CD33: variants seen among roughly 807,000 people sequenced by gnomAD.
The protein encoded by CD33 is CD33 molecule.
Under a neutral mutation model 31.4 loss-of-function variants are expected in CD33, and 25 were observed. That is an observed-to-expected ratio of 0.80 (90% CI 0.58 to 1.11). The LOEUF (loss-of-function observed/expected upper bound fraction) is 1.11, where lower values mean the gene tolerates loss of function less well. CD33 is among the 50% of genes most tolerant of loss of function. The pLI is 0.00. For synonymous variants in CD33, 176 were observed against 180.6 expected, an observed-to-expected ratio of 0.97 and a Z score of 0.20; for missense variants, 407 against 448.1, an observed-to-expected ratio of 0.91 and a Z score of 0.83.
the CD33 span, chr19:51,212,112 T>A: frequency 1.6e-6 from 1 of 609,136 alleles, no homozygotes; most frequent in Non-Finnish European, 2.9e-6. Flanking sequence ...GAGGGTGTGA[T>A]GGGGGGAGGA....
chr19:51,232,827 C>G (rs908276773), intron 4 of CD33, among the ~76,000 whole-genome samples: 1 of 152,228 alleles, frequency 6.6e-6, no homozygotes, highest in Non-Finnish European at 1.5e-5. Flanking sequence ...AGGTGCCCAA[C>G]TACTTGGCTG....
chr19:51,224,022 G>C (rs962746868), upstream of CD33, among the ~76,000 whole-genome samples: 11 of 152,176 alleles, frequency 7.2e-5, no homozygotes, highest in Non-Finnish European at 1.5e-4. Flanking sequence ...AAGAATTAAA[G>C]AAAGAGGAAA....
intron 5 of CD33, 32 bp downstream of exon 5, chr19:51,235,285 A>G (rs1188332120): frequency 1.3e-6 from 2 of 1,582,898 alleles, no homozygotes; most frequent in Admixed American, 1.7e-5. Flanking sequence ...GGCATGGGCC[A>G]GAGGTGAAGA....
rs1982055114 is a variant in CD33 at position 51,239,880 on chromosome 19, A to G, written c.*192A>G. On this transcript the variant is annotated 3_prime_UTR_variant, in exon 7 of 7. Coordinates refer to ENST00000262262, the MANE Select transcript of CD33 (RefSeq NM_001772.4). ...CGTGGAATCAAATCTGTGCTCTTTC[A>G]TTTGCTAAGTGTATGATGTCACACA... 1 of 454,614 alleles carries G rather than the reference A, an allele frequency of 2.2e-6. No homozygotes were observed. Among genetic ancestry groups the G allele is most frequent in the Non-Finnish European group, 3.9e-6 (1 of 258,668 alleles). 28.2% of individuals were successfully genotyped at this position (454,614 alleles called of 1,614,324 possible).
rs762227500 is a variant in CD33 at position 51,225,604 on chromosome 19, G to A, written c.418+6G>A. 1 of 1,549,590 alleles carries A rather than the reference G, an allele frequency of 6.5e-7. No homozygotes were observed. The highest frequency in any genetic ancestry group is 1.9e-5 in the Admixed American group (1 of 51,874). On this transcript the variant is annotated splice_donor_region_variant and intron_variant, in intron 2 of 6. Transcript: ENST00000262262. ...GCTCTCTGTGCATGTGACAGGTGAG[G>A]CACAGGCTTCAGAAGTGGCCGCAAG...
chr19:51,231,879 C>A (rs956182750), intron 4 of CD33, among the ~76,000 whole-genome samples: 5 of 152,162 alleles, frequency 3.3e-5, no homozygotes, highest in Non-Finnish European at 7.4e-5. Flanking sequence ...CTGCCTTAAC[C>A]TCCCAAGTAG....
At position 51,239,538 on chromosome 19, in the gene CD33, G is replaced by C. The variant is rs1390620333; in HGVS notation, c.945G>C (p.Lys315Asn). The change falls in exon 7 of 7, where the codon AAG becomes AAC. Residue 315 changes from lysine (K) to asparagine (N), a missense_variant. Transcript: ENST00000262262. Reference sequence around the variant, plus strand: ...ATAAGAAACACCAGAAGAAGTCCAAGTTACATGGCCCCACTGAAACCTCAA... The same window carrying C: ...ATAAGAAACACCAGAAGAAGTCCAACTTACATGGCCCCACTGAAACCTCAA... ...SASPKHQKKS[K>N]LHGPTETSSC... 1 of 1,609,890 alleles carries C rather than the reference G, an allele frequency of 6.2e-7. No homozygotes were observed. The highest frequency in any genetic ancestry group is 8.5e-7 in the Non-Finnish European group (1 of 1,178,112).
chr19:51,211,222 G>A, the CD33 span: 2 of 1,570,556 alleles, frequency 1.3e-6, no homozygotes, highest in Non-Finnish European at 1.7e-6. Flanking sequence ...CCTGGCTATG[G>A]ATCCAAAAAT....
rs78015277 is a variant in CD33 at position 51,225,783 on chromosome 19, C to T, written c.419-20C>T. Reference sequence around the variant, plus strand: ...TGGACCCTCCCTCCTGATTCTGCATCCCCTCTTTCTCCTCACTAGACTTGA... The same window carrying T: ...TGGACCCTCCCTCCTGATTCTGCATTCCCTCTTTCTCCTCACTAGACTTGA... On this transcript the variant is annotated intron_variant, in intron 2 of 6. Transcript: ENST00000262262. 1.6e-3 allele frequency: 2,506 copies of T among 1,605,468 alleles called. 34 individuals carry two copies. The African/African-American group carries it at 0.029, about 19-fold the overall frequency.
chr19:51,211,429 C>T, the CD33 span: 1 of 1,570,900 alleles, frequency 6.4e-7, no homozygotes, highest in Non-Finnish European at 8.6e-7. Context: ...GGAGGAGACT[C>T]AGGGCTGATT....
chr19:51,219,572 A>G, the CD33 span, among the ~76,000 whole-genome samples: 1 of 152,162 alleles, frequency 6.6e-6, no homozygotes, highest in Non-Finnish European at 1.5e-5. Flanking sequence ...TTGAATAGCA[A>G]TGAAGAGAGT....
At chr19:51,232,369 T>C (rs563712340) in intron 4 of CD33, among the ~76,000 whole-genome samples, 1 of 152,346 alleles carries the variant, frequency 6.6e-6, no homozygotes, top group African/African-American at 2.4e-5. Context: ...TTTGGCATAA[T>C]GAGCTTTGGA....
chr19:51,223,748 G>A (rs1323254597), upstream of CD33, among the ~76,000 whole-genome samples: 1 of 152,198 alleles, frequency 6.6e-6, no homozygotes, highest in Non-Finnish European at 1.5e-5. Context: ...GATGCTGCAT[G>A]GTTCTTGTTT....
chr19:51,215,520 G>A, the CD33 span, among the ~76,000 whole-genome samples: 2 of 152,214 alleles, frequency 1.3e-5, no homozygotes, highest in East Asian at 3.9e-4. Context: ...AGCAGCAGCT[G>A]TGGAGGCTGA....
At chr19:51,225,735 T>G in intron 2 of CD33, 68 bp from the exon 3 acceptor site, 1 of 1,556,144 alleles carries the variant, frequency 6.4e-7, no homozygotes, top group East Asian at 2.3e-5. Context: ...GACCAGAGGT[T>G]GATCTTCTCT....
At chr19:51,233,075 T>C (rs368703952) in intron 4 of CD33, among the ~76,000 whole-genome samples, 3 of 152,180 alleles carry the variant, frequency 2.0e-5, no homozygotes, top group African/African-American at 7.2e-5. Flanking sequence ...CCTGGGGTCA[T>C]GTCTAAAAGG....
chr19:51,211,463 A>G, the CD33 span: 259 of 1,568,368 alleles, frequency 1.7e-4, 1 homozygote, highest in African/African-American at 2.4e-3. Context: ...GATCCCAGTA[A>G]GAACAACTGC....
At chr19:51,235,388 A>G in intron 5 of CD33, 135 bp downstream of exon 5, 1 of 1,212,810 alleles carries the variant, frequency 8.2e-7, no homozygotes, top group Non-Finnish European at 1.2e-6. Context: ...GCCTGTGGCC[A>G]CTGGGATAGG....
At position 51,230,755 on chromosome 19, in the gene CD33, T is replaced by C. The variant is rs535152816; in HGVS notation, c.745+4399T>C. ...TTTCAGTCTATGTGTGTCTTCTAGG[T>C]GAGATAAGTTTCTTGTAAGCAGTAT... is the stretch of plus-strand genomic sequence containing the variant. On this transcript the variant is annotated intron_variant, in intron 4 of 6. Coordinates refer to ENST00000262262, the MANE Select transcript of CD33 (RefSeq NM_001772.4). Among the ~76,000 whole-genome samples, 32 of 152,270 alleles carry C rather than the reference T, an allele frequency of 2.1e-4. 1 individual carries two copies. In the South Asian group the frequency reaches 6.6e-3, roughly 32 times the overall value.
Sources: allele counts gnomAD v4.1 joint callset (sites outside exome capture counted in the v4.1 genomes callset), GRCh38; gene constraint gnomAD v4.1.1; transcripts MANE v1.5; gene names NCBI Gene and HGNC (gene_info 2026-07-23, HGNC 2026-07-21).